NPAS3: variants seen among roughly 807,000 people sequenced by gnomAD.
NPAS3 encodes the protein neuronal PAS domain-containing protein 3.
In NPAS3, 14 loss-of-function variants were observed where a neutral mutation model predicts 73.1. That is an observed-to-expected ratio of 0.19 (90% CI 0.13 to 0.30). The LOEUF is 0.30. Among genes scored for constraint, NPAS3 ranks in the 10% least tolerant of loss-of-function variants. The pLI is 1.00. For missense variants in NPAS3, 1,096 were observed against 1,250.0 expected (o/e 0.88, Z 1.86); for synonymous variants, 620 against 541.5 (o/e 1.14, Z -2.01).
chr14:33,620,850 A>G (rs2058057654), intron 5 of NPAS3, among the ~76,000 whole-genome samples: 1 of 152,152 alleles, frequency 6.6e-6, no homozygotes, highest in South Asian at 2.1e-4. Flanking sequence ...CTAACAAAGG[A>G]TGGTCCAGAA....
chr14:33,175,439 A>T (rs1210341902), intron 2 of NPAS3, among the ~76,000 whole-genome samples: 1 of 152,204 alleles, frequency 6.6e-6, no homozygotes, highest in Non-Finnish European at 1.5e-5. Flanking sequence ...TTTTTTAGGA[A>T]GCATACCTAC....
intron 5 of NPAS3, among the ~76,000 whole-genome samples, chr14:33,602,388 G>C (rs2057425913): frequency 6.6e-6 from 1 of 152,238 alleles, no homozygotes. Flanking sequence ...AGTGGCTTCT[G>C]TTGCCTGTTA....
chr14:33,569,928 C>T (rs1011791121), intron 5 of NPAS3, among the ~76,000 whole-genome samples: 7 of 152,040 alleles, frequency 4.6e-5, no homozygotes, highest in African/African-American at 1.7e-4. Flanking sequence ...GGCTCTTTAC[C>T]ATAAAATGTA....
At chr14:33,446,004 T>C (rs2049472986) in intron 4 of NPAS3, among the ~76,000 whole-genome samples, 1 of 151,970 alleles carries the variant, frequency 6.6e-6, no homozygotes, top group African/African-American at 2.4e-5. Context: ...TTTGTGGCTT[T>C]AGTGAAATCT....
chr14:32,988,558 G>A (rs2038189846), intron 1 of NPAS3, among the ~76,000 whole-genome samples: 1 of 152,320 alleles, frequency 6.6e-6, no homozygotes, highest in East Asian at 1.9e-4. Flanking sequence ...TGTTATATGA[G>A]AGAAAAGAGA....
intron 5 of NPAS3, among the ~76,000 whole-genome samples, chr14:33,659,810 T>C (rs1401006684): frequency 2.0e-5 from 3 of 152,096 alleles, no homozygotes; most frequent in African/African-American, 7.2e-5. Context: ...TTGTTTTGTG[T>C]TGTGCTTAGG....
intron 6 of NPAS3, among the ~76,000 whole-genome samples, chr14:33,684,216 T>C (rs750005704): frequency 7.1e-5 from 8 of 112,442 alleles, no homozygotes; most frequent in Middle Eastern, 5.0e-3. Context: ...ACGTATTTCA[T>C]TGTGCTGTGG....
chr14:33,661,420 C>G (rs2059305197), intron 5 of NPAS3, among the ~76,000 whole-genome samples: 2 of 152,182 alleles, frequency 1.3e-5, no homozygotes. Context: ...TGATGAATCT[C>G]ATTTCCAATG....
At chr14:33,592,912 A>G (rs1314145462) in intron 5 of NPAS3, among the ~76,000 whole-genome samples, 1 of 152,158 alleles carries the variant, frequency 6.6e-6, no homozygotes, top group Admixed American at 6.5e-5. Context: ...TTTCTTCAGT[A>G]ACTCACTCAG....
chr14:33,801,152 G>GGCATC, downstream of NPAS3: 1 of 1,534,386 alleles, frequency 6.5e-7, no homozygotes, highest in South Asian at 1.2e-5. Flanking sequence ...GCTTGGAGGA[G>GGCATC]GCATCGTCGG....
intron 3 of NPAS3, among the ~76,000 whole-genome samples, chr14:33,351,376 C>T (rs930002114): frequency 1.3e-5 from 2 of 152,184 alleles, no homozygotes; most frequent in African/African-American, 4.8e-5. Flanking sequence ...TTCTTCTACT[C>T]TGTATCCTCC....
At chr14:33,161,714 G>T (rs1254932277) in intron 2 of NPAS3, among the ~76,000 whole-genome samples, 2 of 152,234 alleles carry the variant, frequency 1.3e-5, no homozygotes, top group Admixed American at 1.3e-4. Context: ...GTACAGGGGA[G>T]AACTGGAAAG....
chr14:32,957,228 TTAA>T (rs1411420880), intron 1 of NPAS3, among the ~76,000 whole-genome samples: 2 of 152,232 alleles, frequency 1.3e-5, no homozygotes, highest in African/African-American at 4.8e-5. Context: ...AAATAAGATT[TTAA>T]TAATTACTGG....
At chr14:33,651,627 C>T (rs2058996554) in intron 5 of NPAS3, among the ~76,000 whole-genome samples, 1 of 152,092 alleles carries the variant, frequency 6.6e-6, no homozygotes, top group Non-Finnish European at 1.5e-5. Flanking sequence ...TGGTGAAAGT[C>T]AGGAGACTTG....
At chr14:33,003,735 CA>C (rs1393363645) in intron 1 of NPAS3, among the ~76,000 whole-genome samples, 2 of 152,154 alleles carry the variant, frequency 1.3e-5, no homozygotes, top group African/African-American at 4.8e-5. Context: ...GGGGAAAATA[CA>C]AAGCATTGTC....
exon 12 of NPAS3, chr14:33,799,988 G>C (rs769204359): frequency 6.2e-7 from 1 of 1,613,574 alleles, no homozygotes; most frequent in South Asian, 1.1e-5. Flanking sequence ...GGAGCGCTAC[G>C]TGGAGAGCGA....
intron 3 of NPAS3, among the ~76,000 whole-genome samples, chr14:33,360,362 G>C (rs754847962): frequency 6.6e-6 from 1 of 152,098 alleles, no homozygotes; most frequent in Non-Finnish European, 1.5e-5. Context: ...GGCGGGAGGG[G>C]GCTGGTGGGT....
chr14:33,239,614 T>C (rs1439845264), intron 3 of NPAS3, among the ~76,000 whole-genome samples: 1 of 151,790 alleles, frequency 6.6e-6, no homozygotes. Flanking sequence ...CCATCTCTTG[T>C]GTGCAAAAAG....
At chr14:33,570,955 G>A (rs1365717716) in intron 5 of NPAS3, among the ~76,000 whole-genome samples, 1 of 152,198 alleles carries the variant, frequency 6.6e-6, no homozygotes, top group Non-Finnish European at 1.5e-5. Context: ...AGTCACAACA[G>A]TGTAATAACT....
Sources: gnomAD v4.1 joint callset for allele counts (sites outside exome capture counted in the v4.1 genomes callset) on GRCh38, gnomAD v4.1.1 for gene constraint, MANE v1.5 for transcripts, NCBI Gene and HGNC (gene_info 2026-07-23, HGNC 2026-07-21) for gene names.